The following EPB41L5 variants were observed in gnomAD, a reference collection of about 807,000 sequenced individuals.
EPB41L5 encodes band 4.1-like protein 5.
In EPB41L5, 55 loss-of-function variants were observed where a neutral mutation model predicts 106.6. The observed-to-expected ratio is 0.52, with a 90% CI of 0.42 to 0.65. EPB41L5 has a LOEUF of 0.65. EPB41L5 is among the 30% of genes least tolerant of loss of function. The probability of loss-of-function intolerance (pLI) is 0.00; values close to 1 mark genes in which losing one functional copy is unlikely to be tolerated. For synonymous variants in EPB41L5, 297 were observed against 306.7 expected (o/e 0.97, Z 0.33); for missense variants, 871 against 882.1 (o/e 0.99, Z 0.16).
At chr2:120,173,571 A>T (rs1264859571) in intron 24 of EPB41L5, among the ~76,000 whole-genome samples, 1 of 152,236 alleles carries the variant, frequency 6.6e-6, no homozygotes, top group Non-Finnish European at 1.5e-5. Flanking sequence ...TTTGTCCCTC[A>T]AAGTAGGAAT....
chr2:120,127,955 T>C, intron 17 of EPB41L5, 104 bp downstream of exon 17: 1 of 1,085,618 alleles, frequency 9.2e-7, no homozygotes, highest in Non-Finnish European at 1.3e-6. Context: ...CTAGTTCAAC[T>C]TTTAAATTTA....
chr2:120,149,946 G>A (rs1686594792), intron 20 of EPB41L5, among the ~76,000 whole-genome samples: 1 of 146,166 alleles, frequency 6.8e-6, no homozygotes, highest in African/African-American at 2.5e-5. Context: ...CCAGGTTGGA[G>A]TGCAGTGGCA....
intron 10 of EPB41L5, among the ~76,000 whole-genome samples, chr2:120,081,212 G>A (rs1005745259): frequency 3.8e-4 from 58 of 152,174 alleles, no homozygotes; most frequent in African/African-American, 1.3e-3. Context: ...GTATTGCCTA[G>A]GTTTTCTTCT....
chr2:120,127,287 CTT>C (rs1685495577), intron 16 of EPB41L5, among the ~76,000 whole-genome samples: 1 of 152,116 alleles, frequency 6.6e-6, no homozygotes, highest in Non-Finnish European at 1.5e-5. Context: ...GAGATAAAAA[CTT>C]TTCCATGAAT....
chr2:120,127,235 G>A (rs1261462693), intron 16 of EPB41L5, among the ~76,000 whole-genome samples: 3 of 152,140 alleles, frequency 2.0e-5, no homozygotes, highest in African/African-American at 7.2e-5. Context: ...GCTGGGAGGA[G>A]AAGTCTACTC....
intron 20 of EPB41L5, among the ~76,000 whole-genome samples, chr2:120,149,513 A>G (rs1686573187): frequency 6.6e-6 from 1 of 152,122 alleles, no homozygotes; most frequent in Admixed American, 6.5e-5. Flanking sequence ...GGCTTCTTTC[A>G]CTTAGCATAA....
intron 10 of EPB41L5, among the ~76,000 whole-genome samples, chr2:120,078,823 A>G (rs1354347928): frequency 2.0e-5 from 3 of 152,096 alleles, no homozygotes; most frequent in African/African-American, 7.2e-5. Context: ...CTTGATATAA[A>G]TATTTATATT....
At chr2:120,164,405 T>C (rs1687298041) in intron 21 of EPB41L5, among the ~76,000 whole-genome samples, 1 of 152,008 alleles carries the variant, frequency 6.6e-6, no homozygotes, top group South Asian at 2.1e-4. Flanking sequence ...AAAGATGAGG[T>C]CTCACTATAT....
intron 2 of EPB41L5, among the ~76,000 whole-genome samples, chr2:120,024,818 G>T (rs1678198883): frequency 6.6e-6 from 1 of 152,148 alleles, no homozygotes; most frequent in Non-Finnish European, 1.5e-5. Context: ...ATTGATTTGT[G>T]CATGTTGAAC....
At chr2:120,026,270 G>T (rs1182585935) in intron 2 of EPB41L5, among the ~76,000 whole-genome samples, 2 of 152,210 alleles carry the variant, frequency 1.3e-5, no homozygotes, top group Non-Finnish European at 2.9e-5. Flanking sequence ...ATGTGTAAAT[G>T]ATCAAATCAT....
At chr2:120,113,554 G>A (rs900281893) in intron 16 of EPB41L5, among the ~76,000 whole-genome samples, 4 of 152,184 alleles carry the variant, frequency 2.6e-5, no homozygotes, top group East Asian at 1.9e-4. Flanking sequence ...AAATTTAAGT[G>A]TATAATTCAG....
At position 120,041,519 on chromosome 2, in the gene EPB41L5, G is replaced by C. The variant is rs544644778; in HGVS notation, c.181-487G>C. ...CCAGTTTTATTATTTCTTACCTTAC[G>C]TTCTCTTCCAGTTTGATTCTTCTGC... On this transcript the variant is annotated intron_variant, in intron 2 of 24. Transcript: ENST00000263713. Among the ~76,000 whole-genome samples the C allele has an allele frequency of 2.9e-3, 441 of 151,936 alleles. 2 individuals are homozygous for C. The highest frequency in any genetic ancestry group is 0.01 in the African/African-American group (428 of 41,444).
intron 21 of EPB41L5, 95 bp downstream of exon 21, chr2:120,161,069 C>A: frequency 1.2e-6 from 1 of 856,478 alleles, no homozygotes; most frequent in Non-Finnish European, 2.0e-6. Context: ...TACTGAGTGA[C>A]ACTGGGACTT....
chr2:120,132,693 T>G lies in EPB41L5; in HGVS notation c.1599+978T>G, dbSNP rs186141379. On this transcript the variant is annotated intron_variant, in intron 18 of 24. Transcript: ENST00000263713. ...CAGTATTCTATCCCACTTGTCTGTTTGCTTTTACAGTGTCAGTTTTTTAAA... is the reference window on the plus strand; with the variant it reads ...CAGTATTCTATCCCACTTGTCTGTTGGCTTTTACAGTGTCAGTTTTTTAAA... Among the ~76,000 whole-genome samples the G allele has an allele frequency of 9.2e-5, 14 of 152,368 alleles. No homozygotes were observed. The East Asian group carries it at 2.5e-3, about 27-fold the overall frequency.
chr2:120,032,319 A>G (rs1331607188), intron 2 of EPB41L5, among the ~76,000 whole-genome samples: 2 of 152,188 alleles, frequency 1.3e-5, no homozygotes, highest in East Asian at 3.8e-4. Context: ...TGGAGGTTGC[A>G]GTGAGCCGAG....
intron 18 of EPB41L5, among the ~76,000 whole-genome samples, chr2:120,134,577 A>T (rs1394223813): frequency 6.6e-6 from 1 of 152,156 alleles, no homozygotes; most frequent in Non-Finnish European, 1.5e-5. Flanking sequence ...TCCTCCCCCA[A>T]CTGCATGCAG....
At chr2:120,069,531 C>T (rs2105307773) in intron 3 of EPB41L5, among the ~76,000 whole-genome samples, 1 of 152,280 alleles carries the variant, frequency 6.6e-6, no homozygotes, top group Admixed American at 6.5e-5. Flanking sequence ...CTTCTCATCA[C>T]TACATCACAC....
chr2:120,111,935 G>C (rs1310740262), intron 16 of EPB41L5, among the ~76,000 whole-genome samples: 1 of 152,046 alleles, frequency 6.6e-6, no homozygotes, highest in Non-Finnish European at 1.5e-5. Context: ...AACATACCAA[G>C]CATGTTCTCT....
chr2:120,158,195 T>C (rs1451594256), intron 20 of EPB41L5, among the ~76,000 whole-genome samples: 1 of 152,182 alleles, frequency 6.6e-6, no homozygotes, highest in Non-Finnish European at 1.5e-5. Context: ...CCATTACTGC[T>C]GAAACTATTT....
Sources: allele counts gnomAD v4.1 joint callset (sites outside exome capture counted in the v4.1 genomes callset), GRCh38; gene constraint gnomAD v4.1.1; transcripts MANE v1.5; gene names NCBI Gene and HGNC (gene_info 2026-07-23, HGNC 2026-07-21).